SORBS2: variants seen among roughly 807,000 people sequenced by gnomAD.
The protein encoded by SORBS2 is sorbin and SH3 domain-containing protein 2.
A neutral mutation model predicts 97.7 loss-of-function variants in SORBS2; 46 were observed. The ratio of observed to expected loss-of-function variants is 0.47; its 90% CI spans 0.37 to 0.60. The LOEUF is 0.60. SORBS2 is among the 20% of genes least tolerant of loss of function. SORBS2 has a pLI of 0.00. For missense variants in SORBS2, 1,316 were observed against 1,282.3 expected (o/e 1.03, Z -0.40); for synonymous variants, 476 against 473.4 (o/e 1.01, Z -0.07).
intron 12 of SORBS2, among the ~76,000 whole-genome samples, chr4:185,595,866 G>C (rs1160614977): frequency 6.6e-6 from 1 of 151,722 alleles, no homozygotes; most frequent in African/African-American, 2.4e-5. Flanking sequence ...ATTCCCAGGA[G>C]TAAAACTTCT....
chr4:185,792,535 G>A (rs116242808), intron 1 of SORBS2, among the ~76,000 whole-genome samples: 12,553 of 151,748 alleles, frequency 0.083, 566 homozygotes, highest in South Asian at 0.15. Flanking sequence ...GAGAGGGAGG[G>A]AGGGAAGGAA....
chr4:185,924,533 C>T (rs1383604208), intron 1 of SORBS2, among the ~76,000 whole-genome samples: 2 of 152,248 alleles, frequency 1.3e-5, no homozygotes, highest in African/African-American at 2.4e-5. Context: ...GCAATACCCG[C>T]TGTCTTTTCC....
chr4:185,866,606 G>A (rs987349094), intron 1 of SORBS2, among the ~76,000 whole-genome samples: 2 of 152,132 alleles, frequency 1.3e-5, no homozygotes, highest in Non-Finnish European at 2.9e-5. Flanking sequence ...TTATTTCTAG[G>A]CAAAACAGAG....
At chr4:185,634,307 G>C (rs1265181247) in intron 4 of SORBS2, among the ~76,000 whole-genome samples, 1 of 152,112 alleles carries the variant, frequency 6.6e-6, no homozygotes, top group East Asian at 1.9e-4. Flanking sequence ...ACAACACAAC[G>C]GTTCTACTGG....
In SORBS2 at chr4:185,915,887, T is replaced by C. The variant is rs12646761; in HGVS notation, c.-338+40309A>G. ...ATTTGGGATCTTGCAATAAGAAGGTTTGTAGGTGAAGTAATATTTGACCTG... is the reference window on the plus strand; with the variant it reads ...ATTTGGGATCTTGCAATAAGAAGGTCTGTAGGTGAAGTAATATTTGACCTG... On this transcript the variant is annotated intron_variant, in intron 1 of 20. Coordinates refer to the SORBS2 transcript ENST00000284776. Among the ~76,000 whole-genome samples the C allele has an allele frequency of 6.6e-5, 10 of 152,216 alleles. No homozygotes were observed. In the East Asian group the frequency reaches 1.9e-3, roughly 29 times the overall value.
chr4:185,760,828 A>T (rs2098881035), intron 2 of SORBS2, among the ~76,000 whole-genome samples: 1 of 152,264 alleles, frequency 6.6e-6, no homozygotes, highest in South Asian at 2.1e-4. Context: ...CTTTGTTGCC[A>T]ATTTCAAGAA....
intron 1 of SORBS2, among the ~76,000 whole-genome samples, chr4:185,936,995 C>T (rs770686617): frequency 2.0e-5 from 3 of 152,214 alleles, no homozygotes; most frequent in Non-Finnish European, 4.4e-5. Context: ...GATTACATAG[C>T]ACAGTTATTT....
intron 2 of SORBS2, among the ~76,000 whole-genome samples, chr4:185,696,380 G>A (rs1054648169): frequency 9.2e-5 from 14 of 152,102 alleles, no homozygotes; most frequent in Admixed American, 2.0e-4. Flanking sequence ...TTATTCCAAG[G>A]TCTCAAAGTT....
intron 1 of SORBS2, among the ~76,000 whole-genome samples, chr4:185,827,908 CCATCATCAT>C (rs138908741): frequency 6.9e-6 from 1 of 143,982 alleles, no homozygotes; most frequent in Non-Finnish European, 1.5e-5. Context: ...CATCATCATA[CCATCATCAT>C]CATCATCACC....
At chr4:185,763,633 T>C (rs1341948294) in intron 2 of SORBS2, among the ~76,000 whole-genome samples, 3 of 152,242 alleles carry the variant, frequency 2.0e-5, no homozygotes, top group African/African-American at 7.2e-5. Flanking sequence ...AACACCCACG[T>C]GCCCCATCCC....
In SORBS2 at chr4:185,834,880, G is replaced by A. The variant is rs78691489; in HGVS notation, c.-337-59514C>T. On this transcript the variant is annotated intron_variant, in intron 1 of 20. Coordinates refer to the SORBS2 transcript ENST00000284776. ...CAAAGTTATAAAATAACCAAAAAGC[G>A]TTTCTGATATGGCTTGGATCTGTGT... Among the ~76,000 whole-genome samples, 87 of 152,240 alleles carry A rather than the reference G, an allele frequency of 5.7e-4. 3 individuals carry two copies. Among genetic ancestry groups the A allele is most frequent in the Middle Eastern group, 3.4e-3 (1 of 294 alleles).
At chr4:185,844,609 C>A (rs1475904165) in intron 1 of SORBS2, among the ~76,000 whole-genome samples, 1 of 152,142 alleles carries the variant, frequency 6.6e-6, no homozygotes, top group Non-Finnish European at 1.5e-5. Flanking sequence ...AAATTCTACT[C>A]CTGTGTAAAA....
chr4:185,887,648 G>A (rs1038052009), intron 1 of SORBS2, among the ~76,000 whole-genome samples: 2 of 152,152 alleles, frequency 1.3e-5, no homozygotes, highest in Non-Finnish European at 2.9e-5. Context: ...AGTTAAACAA[G>A]TTATTCAATA....
intron 6 of SORBS2, among the ~76,000 whole-genome samples, chr4:185,625,982 A>G (rs894134708): frequency 6.6e-6 from 1 of 152,224 alleles, no homozygotes; most frequent in Non-Finnish European, 1.5e-5. Flanking sequence ...CTTCTCTTTC[A>G]ATCCCAAGAT....
chr4:185,949,833 A>G (rs1450724807), intron 1 of SORBS2, among the ~76,000 whole-genome samples: 4 of 152,316 alleles, frequency 2.6e-5, no homozygotes, highest in East Asian at 1.9e-4. Context: ...CACAATGCTC[A>G]CTGACTTTTC....
intron 2 of SORBS2, among the ~76,000 whole-genome samples, chr4:185,704,753 G>C (rs1262750094): frequency 6.6e-6 from 1 of 152,218 alleles, no homozygotes; most frequent in Non-Finnish European, 1.5e-5. Context: ...GCTCTGGGAA[G>C]GGCAGCATGC....
At chr4:185,798,574 T>TA (rs532358575) in intron 1 of SORBS2, among the ~76,000 whole-genome samples, 53 of 152,304 alleles carry the variant, frequency 3.5e-4, no homozygotes, top group Non-Finnish European at 6.5e-4. Flanking sequence ...GCCTCGTTTT[T>TA]AAAAAAAGTG....
chr4:185,865,368 C>T (rs2099226311), intron 1 of SORBS2, among the ~76,000 whole-genome samples: 1 of 152,164 alleles, frequency 6.6e-6, no homozygotes, highest in East Asian at 1.9e-4. Flanking sequence ...CCCACTCCCC[C>T]ATCCTCATCA....
intron 3 of SORBS2, 45 bp from the exon 7 acceptor site, chr4:185,678,592 A>T: frequency 1.4e-6 from 2 of 1,473,918 alleles, no homozygotes. Context: ...ATCTACGTTC[A>T]CTTAAACATT....
Sources: gnomAD v4.1 joint callset for allele counts (sites outside exome capture counted in the v4.1 genomes callset) on GRCh38, gnomAD v4.1.1 for gene constraint, MANE v1.5 for transcripts, NCBI Gene and HGNC (gene_info 2026-07-23, HGNC 2026-07-21) for gene names.